Variants in SORCS1 observed in about 807,000 individuals in gnomAD.
SORCS1 encodes the protein sortilin related VPS10 domain containing receptor 1, also known as VPS10 domain-containing receptor SorCS1.
In SORCS1, 60 loss-of-function variants were observed where a neutral mutation model predicts 146.1. The ratio of observed to expected loss-of-function variants is 0.41; its 90% confidence interval spans 0.33 to 0.51. The LOEUF is 0.51. Ranked by LOEUF, SORCS1 falls within the 20% of genes least tolerant of loss-of-function variation. SORCS1 has a pLI of 0.21. For missense variants in SORCS1, 1,352 were observed against 1,487.6 expected (o/e 0.91, Z 1.50); for synonymous variants, 637 against 584.0 (o/e 1.09, Z -1.31).
intron 1 of SORCS1, among the ~76,000 whole-genome samples, chr10:107,041,746 G>T (rs956247404): frequency 2.0e-5 from 3 of 152,100 alleles, no homozygotes; most frequent in Non-Finnish European, 4.4e-5. Context: ...CCTTAGATTG[G>T]TCCGACAGAG....
At chr10:106,785,799 T>C (rs1946029458) in intron 3 of SORCS1, among the ~76,000 whole-genome samples, 1 of 152,184 alleles carries the variant, frequency 6.6e-6, no homozygotes, top group Non-Finnish European at 1.5e-5. Context: ...CAGAGCTCTT[T>C]GGAAGATGGG....
At chr10:106,811,714 G>A (rs1263103424) in intron 3 of SORCS1, among the ~76,000 whole-genome samples, 1 of 152,158 alleles carries the variant, frequency 6.6e-6, no homozygotes, top group African/African-American at 2.4e-5. Flanking sequence ...TGCTATAAAT[G>A]GCTAAGAAAC....
intron 1 of SORCS1, among the ~76,000 whole-genome samples, chr10:107,162,296 A>G (rs1969772364): frequency 6.6e-6 from 1 of 152,222 alleles, no homozygotes; most frequent in African/African-American, 2.4e-5. Context: ...ATACAACAAG[A>G]GCTAACATGT....
At chr10:106,578,496 A>C (rs1844697774) in intron 25 of SORCS1, 1 of 218,764 alleles carries the variant, frequency 4.6e-6, no homozygotes. Flanking sequence ...ATGTCTGCAA[A>C]CATTATGCCT....
At chr10:106,972,371 ACT>A (rs1015301586) in intron 1 of SORCS1, among the ~76,000 whole-genome samples, 1 of 132,158 alleles carries the variant, frequency 7.6e-6, no homozygotes, top group Admixed American at 8.0e-5. Flanking sequence ...ACAGAGCGAG[ACT>A]CTGTCTCAAA....
At chr10:106,655,476 C>G (rs1024418162) in intron 17 of SORCS1, among the ~76,000 whole-genome samples, 1 of 152,176 alleles carries the variant, frequency 6.6e-6, no homozygotes, top group Admixed American at 6.5e-5. Flanking sequence ...TCTTGGTGGG[C>G]AGCTATAGAA....
At chr10:107,150,246 A>C (rs544375122) in intron 1 of SORCS1, among the ~76,000 whole-genome samples, 1 of 152,382 alleles carries the variant, frequency 6.6e-6, no homozygotes, top group South Asian at 2.1e-4. Context: ...TATTAAAGAA[A>C]CGCATGCCCA....
At chr10:106,630,264 TG>T (rs1253549877) in intron 18 of SORCS1, among the ~76,000 whole-genome samples, 2 of 152,196 alleles carry the variant, frequency 1.3e-5, no homozygotes, top group Non-Finnish European at 2.9e-5. Context: ...GAGATAATAA[TG>T]GTTAATTCTT....
At chr10:106,851,561 T>A (rs990569499) in intron 2 of SORCS1, among the ~76,000 whole-genome samples, 3 of 152,362 alleles carry the variant, frequency 2.0e-5, no homozygotes, top group Admixed American at 2.0e-4. Flanking sequence ...CATTGATCTA[T>A]GTATCTGTTC....
At chr10:106,700,660 T>G (rs975136604) in intron 8 of SORCS1, among the ~76,000 whole-genome samples, 12 of 152,214 alleles carry the variant, frequency 7.9e-5, no homozygotes, top group African/African-American at 2.9e-4. Context: ...TTGTCATATA[T>G]GCCCATGTTC....
At chr10:106,994,466 T>C (rs1305491760) in intron 1 of SORCS1, among the ~76,000 whole-genome samples, 3 of 152,206 alleles carry the variant, frequency 2.0e-5, no homozygotes, top group African/African-American at 4.8e-5. Context: ...AAGGATGGCA[T>C]AGACACAAAT....
At chr10:106,695,142 A>C (rs1853600153) in intron 9 of SORCS1, among the ~76,000 whole-genome samples, 1 of 152,102 alleles carries the variant, frequency 6.6e-6, no homozygotes, top group East Asian at 1.9e-4. Context: ...GAGTTTTAGG[A>C]CACTTGTTTC....
chr10:106,822,782 GTTTT>G lies in SORCS1; in HGVS notation c.726+6788_726+6791del, dbSNP rs1158921880. On this transcript the variant is annotated intron_variant, in intron 3 of 25. Coordinates refer to ENST00000263054, the MANE Select transcript of SORCS1 (RefSeq NM_052918.5). ...CACTATGTCTCTGAATTCATGTGTG[GTTTT>G]TTTTTTTTTTTTTTTTGAATATTGC... Among the ~76,000 whole-genome samples the G allele has an allele frequency of 1.1e-3, 124 of 113,150 alleles. 3 individuals carry two copies. Among genetic ancestry groups the G allele is most frequent in the African/African-American group, 4.5e-3 (118 of 26,322 alleles). The allele number at this position is 113,150 out of a possible 152,430, so 74.2% of individuals were successfully genotyped here.
intron 1 of SORCS1, among the ~76,000 whole-genome samples, chr10:106,971,024 A>G (rs902759022): frequency 1.3e-5 from 2 of 150,294 alleles, no homozygotes; most frequent in African/African-American, 4.9e-5. Flanking sequence ...TGCTGGGATT[A>G]CAGGTGTGAG....
intron 2 of SORCS1, among the ~76,000 whole-genome samples, chr10:106,907,683 T>A (rs1951969179): frequency 6.6e-6 from 1 of 152,062 alleles, no homozygotes; most frequent in Admixed American, 6.6e-5. Context: ...TCCCAACACT[T>A]TGGGAGGCCG....
At chr10:107,143,957 G>A (rs1968070893) in intron 1 of SORCS1, among the ~76,000 whole-genome samples, 2 of 151,954 alleles carry the variant, frequency 1.3e-5, no homozygotes, top group Admixed American at 1.3e-4. Flanking sequence ...TAGTTTGCAA[G>A]GCCCTTTTTT....
chr10:106,796,977 G>A (rs1232146945), intron 3 of SORCS1, among the ~76,000 whole-genome samples: 1 of 152,096 alleles, frequency 6.6e-6, no homozygotes, highest in Non-Finnish European at 1.5e-5. Flanking sequence ...CGTGGTGGCG[G>A]GTGCCTGTAG....
At chr10:106,607,049 C>T (rs1387077930) in intron 23 of SORCS1, 117 bp downstream of exon 23, 4 of 1,380,092 alleles carry the variant, frequency 2.9e-6, no homozygotes, top group East Asian at 4.6e-5. Context: ...CTTGCATGTG[C>T]TTTTGGTGAA....
At chr10:106,991,879 C>T (rs1956785612) in intron 1 of SORCS1, among the ~76,000 whole-genome samples, 1 of 152,168 alleles carries the variant, frequency 6.6e-6, no homozygotes, top group South Asian at 2.1e-4. Flanking sequence ...ACTATGTAAA[C>T]GTCTCATTAA....
Sources: allele counts gnomAD v4.1 joint callset (sites outside exome capture counted in the v4.1 genomes callset), GRCh38; gene constraint gnomAD v4.1.1; transcripts MANE v1.5; gene names NCBI Gene and HGNC (gene_info 2026-07-23, HGNC 2026-07-21).